The following ABHD12B variants were observed in gnomAD, a reference collection of about 807,000 sequenced individuals.
The protein encoded by ABHD12B is protein ABHD12B.
Under a neutral mutation model 50.4 loss-of-function variants are expected in ABHD12B, and 42 were observed. The observed-to-expected ratio is 0.83, with a 90% CI of 0.65 to 1.08. The LOEUF is 1.08. Ranked by LOEUF, ABHD12B falls within the 50% of genes least tolerant of loss-of-function variation. The probability of loss-of-function intolerance (pLI) is 0.00; values close to 1 mark genes in which losing one functional copy is unlikely to be tolerated. For synonymous variants in ABHD12B, 167 were observed against 160.3 expected, an observed-to-expected ratio of 1.04 and a Z score of -0.32; for missense variants, 479 against 447.7, an observed-to-expected ratio of 1.07 and a Z score of -0.63.
Position 50,872,229 on chromosome 14 carries a change from GC to G in ABHD12B, c.58del (p.Arg20ValfsTer41). The G allele has an allele frequency of 1.4e-6, 2 of 1,393,036 alleles. No individual in the cohort carries two copies. The highest frequency in any genetic ancestry group is 1.9e-6 in the Non-Finnish European group (2 of 1,070,274). 86.3% of individuals were successfully genotyped at this position (1,393,036 alleles called of 1,614,324 possible). On this transcript the variant is annotated frameshift_variant, in exon 1 of 13. Coordinates refer to ENST00000337334, the MANE Select transcript of ABHD12B (RefSeq NM_001206673.2). LOFTEE classifies it high-confidence loss of function. ...ATCGCCCGAGCCGCCCGGGCCCCCA[GC>G]CCGTAGCTGCGTGGCCGCCTGGTGG... ...AASPEPPGPP[A>X]RSCVAAWWDM...
chr14:50,900,471 A>G (rs777122884), intron 9 of ABHD12B, among the ~76,000 whole-genome samples: 2 of 152,232 alleles, frequency 1.3e-5, no homozygotes, highest in Non-Finnish European at 2.9e-5. Context: ...CATATTGTTG[A>G]TGGAGAAACA....
chr14:50,885,569 T>C (rs1390336852), intron 5 of ABHD12B, 45 bp from the exon 6 acceptor site: 1 of 1,612,702 alleles, frequency 6.2e-7, no homozygotes, highest in Non-Finnish European at 8.5e-7. Context: ...GCCTTTTCTG[T>C]TTTCATCTTC....
rs781462895 is a variant in ABHD12B at position 50,885,786 on chromosome 14, A to G, written c.553A>G (p.Lys185Glu). The change falls in exon 7 of 13, where the codon AAG becomes GAG. Residue 185 changes from lysine to glutamate, a missense_variant. By Grantham distance (56) the Lys-to-Glu change is moderately conservative. Coordinates refer to ENST00000337334, the MANE Select transcript of ABHD12B (RefSeq NM_001206673.2). ...GCCAGGATTTGGGGACTCTACAGGTAAGCCCACAGAGGAGGGACTGACTAC... is the reference window on the plus strand; with the variant it reads ...GCCAGGATTTGGGGACTCTACAGGTGAGCCCACAGAGGAGGGACTGACTAC... Reference protein sequence around the residue: ...DYRGFGDSTGKPTEEGLTTDA... With the variant: ...DYRGFGDSTGEPTEEGLTTDA... The G allele has an allele frequency of 1.1e-5, 18 of 1,614,094 alleles. No individual in the cohort carries two copies. In the Admixed American group the frequency reaches 3.0e-4, roughly 27 times the overall value.
intron 1 of ABHD12B, among the ~76,000 whole-genome samples, chr14:50,872,813 A>G (rs1327761570): frequency 2.0e-5 from 3 of 152,176 alleles, no homozygotes; most frequent in Non-Finnish European, 4.4e-5. Context: ...AGATGTACAT[A>G]GTGTGTTGAA....
intron 3 of ABHD12B, 120 bp downstream of exon 3, chr14:50,878,967 G>C: frequency 2.6e-6 from 2 of 768,116 alleles, no homozygotes; most frequent in Admixed American, 2.2e-5. Context: ...GGTACCTGGA[G>C]GCTGTTTCCT....
At chr14:50,880,195 A>C (rs1382342547) in intron 3 of ABHD12B, among the ~76,000 whole-genome samples, 3 of 152,214 alleles carry the variant, frequency 2.0e-5, no homozygotes, top group Non-Finnish European at 4.4e-5. Context: ...GAAAATTAAC[A>C]GGTGCAGAAG....
At chr14:50,877,318 A>G (rs953328760) in intron 1 of ABHD12B, among the ~76,000 whole-genome samples, 1 of 152,230 alleles carries the variant, frequency 6.6e-6, no homozygotes, top group Non-Finnish European at 1.5e-5. Context: ...GAATTGTGAT[A>G]TAATTAAAAA....
At chr14:50,876,821 C>G (rs2049870141) in intron 1 of ABHD12B, among the ~76,000 whole-genome samples, 1 of 152,206 alleles carries the variant, frequency 6.6e-6, no homozygotes, top group African/African-American at 2.4e-5. Context: ...ATCAAAAATG[C>G]TTTCCAGCCC....
intron 1 of ABHD12B, among the ~76,000 whole-genome samples, chr14:50,875,668 C>T (rs2049853169): frequency 6.6e-6 from 1 of 152,184 alleles, no homozygotes; most frequent in Non-Finnish European, 1.5e-5. Flanking sequence ...GACTTTTGAT[C>T]CCTTACTGAT....
At position 50,883,171 on chromosome 14, in the gene ABHD12B, G is replaced by A. The variant is rs1374992740; in HGVS notation, c.486+1545G>A. Reference sequence around the variant, plus strand: ...ATCTGCCTCAGAACTGGTTGAACAAGCTGCCTGTTTATCCTCTTCCACCCT... The same window carrying A: ...ATCTGCCTCAGAACTGGTTGAACAAACTGCCTGTTTATCCTCTTCCACCCT... On this transcript the variant is annotated intron_variant, in intron 5 of 12. Coordinates refer to ENST00000337334, the MANE Select transcript of ABHD12B (RefSeq NM_001206673.2). 5.3e-5 allele frequency among the ~76,000 whole-genome samples: 8 copies of A among 152,138 alleles called. No individual in the cohort carries two copies. The East Asian group carries it at 1.5e-3, about 29-fold the overall frequency.
Position 50,901,815 on chromosome 14 carries a change from T to C in ABHD12B, c.781-14T>C, listed in dbSNP as rs1596024827. On this transcript the variant is annotated splice_polypyrimidine_tract_variant and intron_variant, in intron 9 of 12. Transcript: ENST00000337334. ...TGGGGCAAATATTAATTTTTTTTTCTTTTTTAAAAATAGATTTACCGGAAC... is the reference window on the plus strand; with the variant it reads ...TGGGGCAAATATTAATTTTTTTTTCCTTTTTAAAAATAGATTTACCGGAAC... The C allele has an allele frequency of 1.9e-6, 3 of 1,570,238 alleles. No homozygotes were observed. Among genetic ancestry groups the C allele is most frequent in the Non-Finnish European group, 2.6e-6 (3 of 1,158,716 alleles).
chr14:50,895,910 C>T (rs904226224), intron 9 of ABHD12B, among the ~76,000 whole-genome samples: 29 of 152,180 alleles, frequency 1.9e-4, no homozygotes, highest in African/African-American at 7.0e-4. Context: ...TTTTAGTTAT[C>T]CCCACCTGCC....
intron 9 of ABHD12B, among the ~76,000 whole-genome samples, chr14:50,896,133 C>T (rs1022793356): frequency 3.3e-5 from 5 of 152,122 alleles, no homozygotes; most frequent in Admixed American, 1.3e-4. Context: ...CTCATTAAAA[C>T]CTAATCACCC....
intron 1 of ABHD12B, among the ~76,000 whole-genome samples, chr14:50,874,291 A>G (rs2049829040): frequency 6.6e-6 from 1 of 152,168 alleles, no homozygotes; most frequent in Non-Finnish European, 1.5e-5. Context: ...CCACTTTACA[A>G]CTGGTTTTCT....
chr14:50,894,634 C>A (rs916847266), intron 9 of ABHD12B, among the ~76,000 whole-genome samples: 4 of 152,064 alleles, frequency 2.6e-5, no homozygotes, highest in Non-Finnish European at 4.4e-5. Context: ...TTCCATCCTG[C>A]AAGATCTAAA....
chr14:50,888,228 G>A (rs1403044181), intron 8 of ABHD12B, among the ~76,000 whole-genome samples: 4 of 144,074 alleles, frequency 2.8e-5, no homozygotes, highest in South Asian at 2.2e-4. Flanking sequence ...TTTTTGTGGC[G>A]GAGTCTTGCT....
chr14:50,872,402 C>T, intron 1 of ABHD12B, 124 bp downstream of exon 1: 1 of 656,368 alleles, frequency 1.5e-6, no homozygotes, highest in Non-Finnish European at 2.1e-6. Context: ...CAAGGCCCAG[C>T]ATTGTGGCTT....
intron 8 of ABHD12B, among the ~76,000 whole-genome samples, chr14:50,888,335 C>T (rs1429675869): frequency 6.6e-6 from 1 of 151,946 alleles, no homozygotes; most frequent in African/African-American, 2.4e-5. Context: ...TCTCGAGTAG[C>T]TGGGACTACA....
chr14:50,887,395 A>T (rs2050057747), intron 8 of ABHD12B, among the ~76,000 whole-genome samples: 1 of 152,036 alleles, frequency 6.6e-6, no homozygotes, highest in Non-Finnish European at 1.5e-5. Context: ...ACCCTAGCTG[A>T]TTTGAAGAAT....
Sources: allele counts gnomAD v4.1 joint callset (sites outside exome capture counted in the v4.1 genomes callset), GRCh38; gene constraint gnomAD v4.1.1; transcripts MANE v1.5; gene names NCBI Gene and HGNC (gene_info 2026-07-23, HGNC 2026-07-21).